KANK1: variants seen among roughly 807,000 people sequenced by gnomAD.
The protein encoded by KANK1 is KN motif and ankyrin repeat domains 1, also known as KN motif and ankyrin repeat domain-containing protein 1.
A neutral mutation model predicts 106.2 loss-of-function variants in KANK1; 109 were observed. The ratio of observed to expected loss-of-function variants is 1.03; its 90% CI spans 0.88 to 1.20. The LOEUF (loss-of-function observed/expected upper bound fraction) is 1.20, where lower values mean the gene tolerates loss of function less well. KANK1 is among the 50% of genes most tolerant of loss of function. KANK1 has a pLI of 0.00. For missense variants in KANK1, 2,399 were observed against 1,710.7 expected (o/e 1.40, Z -7.10); for synonymous variants, 873 against 652.2 (o/e 1.34, Z -5.16).
At chr9:596,241 T>C (rs1449215315) in intron 1 of KANK1, among the ~76,000 whole-genome samples, 1 of 151,878 alleles carries the variant, frequency 6.6e-6, no homozygotes, top group African/African-American at 2.4e-5. Context: ...ATTTTTGGAT[T>C]AAGGACGTTC....
At chr9:557,188 GAAAAAAA>G (rs35320012) in intron 1 of KANK1, among the ~76,000 whole-genome samples, 9 of 113,488 alleles carry the variant, frequency 7.9e-5, no homozygotes, top group African/African-American at 3.1e-4. Context: ...GTCTCAAAAG[GAAAAAAA>G]AAAAAAAAAA....
rs982548694 is a variant in KANK1, at chr9:592,340, C to T, written c.-83-84550C>T. The stretch of plus-strand genomic sequence containing the variant: ...TCTTTCCCAGGGAGCAGCGGGAAGC[C>T]GGGGGAGGGGGAACCATGTTAATTA... On this transcript the variant is annotated intron_variant, in intron 1 of 11. Transcript: ENST00000382297. Among the ~76,000 whole-genome samples the T allele has an allele frequency of 4.0e-5, 6 of 151,688 alleles. No homozygotes were observed. In the East Asian group the frequency reaches 7.7e-4, roughly 19 times the overall value.
At chr9:528,458 T>C (rs1166388238) in intron 1 of KANK1, among the ~76,000 whole-genome samples, 1 of 146,114 alleles carries the variant, frequency 6.8e-6, no homozygotes, top group Admixed American at 7.0e-5. Flanking sequence ...TTTTACTGAA[T>C]TAAAAAATAA....
intron 1 of KANK1, among the ~76,000 whole-genome samples, chr9:581,105 C>T (rs533182085): frequency 2.6e-4 from 40 of 152,274 alleles, no homozygotes; most frequent in African/African-American, 9.4e-4. Flanking sequence ...CTACCCAGAA[C>T]TCCTGGCCCG....
rs985333696 is a variant in KANK1 at position 684,124 on chromosome 9, A to G, written c.37+7115A>G. The G allele has an allele frequency of 1.2e-4, 119 of 976,430 alleles. No individual in the cohort carries two copies. In the Middle Eastern group the frequency reaches 1.6e-3, roughly 13 times the overall value. The allele number at this position is 976,430 out of a possible 1,614,324, so 60.5% of individuals were successfully genotyped here. A position where few individuals can be genotyped will look rare whatever the true frequency, so the allele number is the denominator to read the frequency against. On this transcript the variant is annotated intron_variant, in intron 2 of 11. Coordinates refer to ENST00000382297, the MANE Select transcript of KANK1 (RefSeq NM_015158.5). ...TCATCAGAGCTTGCTTGTTTCATAAACTCTTAAGGCTTTGTTTTAACCTGT... is the reference window on the plus strand; with the variant it reads ...TCATCAGAGCTTGCTTGTTTCATAAGCTCTTAAGGCTTTGTTTTAACCTGT...
chr9:697,903 C>G (rs1821706573), intron 2 of KANK1, among the ~76,000 whole-genome samples: 1 of 152,082 alleles, frequency 6.6e-6, no homozygotes, highest in African/African-American at 2.4e-5. Flanking sequence ...TATCTGAGTT[C>G]TAGATATGTA....
At position 598,415 on chromosome 9, in the gene KANK1, A is replaced by T. The variant is rs559813705; in HGVS notation, c.-83-78475A>T. 9.6e-4 allele frequency among the ~76,000 whole-genome samples: 145 copies of T among 151,518 alleles called. 1 individual carries two copies. Among genetic ancestry groups the T allele is most frequent in the Admixed American group, 2.9e-3 (44 of 15,236 alleles). On this transcript the variant is annotated intron_variant, in intron 1 of 11. Coordinates refer to ENST00000382297, the MANE Select transcript of KANK1 (RefSeq NM_015158.5). ...TGCAAAAAGGGCTGTTGGAGTTTTGATAAGGAGTACATTGAATCTGCAGAT... is the reference window on the plus strand; with the variant it reads ...TGCAAAAAGGGCTGTTGGAGTTTTGTTAAGGAGTACATTGAATCTGCAGAT...
intron 1 of KANK1, among the ~76,000 whole-genome samples, chr9:576,918 T>C (rs1820712723): frequency 6.6e-6 from 1 of 152,254 alleles, no homozygotes; most frequent in African/African-American, 2.4e-5. Flanking sequence ...ACTTCAAGAA[T>C]GAAGCCATAG....
intron 1 of KANK1, among the ~76,000 whole-genome samples, chr9:557,934 G>A (rs1341352022): frequency 6.6e-6 from 1 of 152,170 alleles, no homozygotes; most frequent in Non-Finnish European, 1.5e-5. Context: ...GAGCCTGGGT[G>A]GTTGAGGCTA....
chr9:649,714 G>C (rs890586370), intron 1 of KANK1, among the ~76,000 whole-genome samples: 2 of 152,110 alleles, frequency 1.3e-5, no homozygotes, highest in African/African-American at 4.8e-5. Context: ...GCCCATCAAG[G>C]TTTTCATTCA....
At chr9:696,157 G>A (rs1188970346) in intron 2 of KANK1, among the ~76,000 whole-genome samples, 2 of 151,946 alleles carry the variant, frequency 1.3e-5, no homozygotes, top group African/African-American at 4.8e-5. Flanking sequence ...GGTGGCGGGC[G>A]CCTGTAGTCC....
In KANK1 at chr9:550,621, C is replaced by G. The variant is rs7864325; in HGVS notation, c.-84+45867C>G. ...GACCCTGTCTCTAATAAAACAAAAA[C>G]ATTACACCATTGTCAGAAAGTGATT... On this transcript the variant is annotated intron_variant, in intron 1 of 11. Coordinates refer to ENST00000382297, the MANE Select transcript of KANK1 (RefSeq NM_015158.5). Among the ~76,000 whole-genome samples the G allele has an allele frequency of 7.3e-3, 1,113 of 152,268 alleles. 22 individuals are homozygous for G. The highest frequency in any genetic ancestry group is 0.026 in the African/African-American group (1,080 of 41,540).
chr9:567,065 A>G (rs1817986191), intron 1 of KANK1, among the ~76,000 whole-genome samples: 1 of 152,234 alleles, frequency 6.6e-6, no homozygotes, highest in African/African-American at 2.4e-5. Context: ...GCACATGGCT[A>G]GCCAGTTATC....
intron 1 of KANK1, among the ~76,000 whole-genome samples, chr9:657,967 C>T (rs1432144217): frequency 6.6e-6 from 1 of 151,972 alleles, no homozygotes; most frequent in Non-Finnish European, 1.5e-5. Context: ...AATCATAGCT[C>T]ACTACAGCCT....
Position 736,697 on chromosome 9 carries a change from C to CAA in KANK1, c.3334-1575_3334-1574dup, listed in dbSNP as rs35527047. On this transcript the variant is annotated intron_variant, in intron 7 of 11. Transcript: ENST00000382297. ...CCTGGGAGACAGAGTGACACCCTCT[C>CAA]AAAAAAAAAAAAAATTCCTAGTCAA... Among the ~76,000 whole-genome samples, 119 of 142,382 alleles carry CAA rather than the reference C, an allele frequency of 8.4e-4. 1 individual carries two copies. The highest frequency in any genetic ancestry group is 2.9e-3 in the African/African-American group (109 of 37,994). 93.4% of individuals were successfully genotyped at this position (142,382 alleles called of 152,430 possible). A position where few individuals can be genotyped will look rare whatever the true frequency, so the allele number is the denominator to read the frequency against.
chr9:705,120 A>G (rs888046824), intron 2 of KANK1, among the ~76,000 whole-genome samples: 1 of 152,154 alleles, frequency 6.6e-6, no homozygotes, highest in Non-Finnish European at 1.5e-5. Context: ...CATGGAAGAA[A>G]TGTCCTTAAC....
At chr9:658,168 C>T (rs1176773696) in intron 1 of KANK1, among the ~76,000 whole-genome samples, 3 of 152,050 alleles carry the variant, frequency 2.0e-5, no homozygotes, top group East Asian at 1.9e-4. Context: ...GTCCTTTCCC[C>T]GTGATGATAA....
intron 3 of KANK1, among the ~76,000 whole-genome samples, chr9:725,938 G>C (rs1830527872): frequency 1.3e-5 from 2 of 152,108 alleles, no homozygotes; most frequent in East Asian, 3.9e-4. Flanking sequence ...ATTTTTGTTA[G>C]TAATTTATAA....
At chr9:497,319 G>A (rs1321917888) in intron 3 of KANK1, among the ~76,000 whole-genome samples, 6 of 152,158 alleles carry the variant, frequency 3.9e-5, no homozygotes, top group African/African-American at 1.2e-4. Context: ...CAAGGTTGGC[G>A]TTGGAAAGGA....
Sources: gnomAD v4.1 joint callset for allele counts (sites outside exome capture counted in the v4.1 genomes callset) on GRCh38, gnomAD v4.1.1 for gene constraint, MANE v1.5 for transcripts, NCBI Gene and HGNC (gene_info 2026-07-23, HGNC 2026-07-21) for gene names.